Variants in FLT1 observed in about 807,000 individuals in gnomAD.
The protein encoded by FLT1 is vascular endothelial growth factor receptor 1.
FLT1 carries 49 observed loss-of-function variants against 156.3 expected under a neutral mutation model. The ratio of observed to expected loss-of-function variants is 0.31; its 90% CI spans 0.25 to 0.40. FLT1 has a LOEUF of 0.40. Ranked by LOEUF, FLT1 falls within the 10% of genes least tolerant of loss-of-function variation. The probability of loss-of-function intolerance (pLI) is 1.00; values close to 1 mark genes in which losing one functional copy is unlikely to be tolerated. For synonymous variants in FLT1, 594 were observed against 583.8 expected, an observed-to-expected ratio of 1.02 and a Z score of -0.25; for missense variants, 1,322 against 1,637.2, an observed-to-expected ratio of 0.81 and a Z score of 3.32.
chr13:28,321,555 T>C lies in FLT1; in HGVS notation c.3082A>G (p.Ile1028Val). ...ACCACGTTGTTCTCAGATAAAAGAATGTTTCTCGCTGCCAGGTCCCGATGA... is the reference window on the plus strand; with the variant it reads ...ACCACGTTGTTCTCAGATAAAAGAACGTTTCTCGCTGCCAGGTCCCGATGA... The part of the protein sequence containing the change: ...CIHRDLAARN[I>V]LLSENNVVKI... Residue 1028 changes from isoleucine (I) to valine (V), a missense_variant, in exon 23 of 30, where the codon ATT becomes GTT. This residue lies in a region of FLT1 where 991 missense variants were observed against 1,254.8 expected (regional missense o/e 0.79). Transcript: ENST00000282397. 1 of 1,614,182 alleles carries C rather than the reference T, an allele frequency of 6.2e-7. No homozygotes were observed. The highest frequency in any genetic ancestry group is 8.5e-7 in the Non-Finnish European group (1 of 1,180,000).
At chr13:28,400,589 C>A (rs1875370433) in intron 11 of FLT1, among the ~76,000 whole-genome samples, 1 of 152,082 alleles carries the variant, frequency 6.6e-6, no homozygotes, top group Admixed American at 6.5e-5. Context: ...GACTAGAAGG[C>A]AGCTTTGCAT....
intron 18 of FLT1, among the ~76,000 whole-genome samples, chr13:28,330,715 T>A (rs997584202): frequency 3.3e-5 from 5 of 151,454 alleles, no homozygotes; most frequent in South Asian, 4.2e-4. Flanking sequence ...TTTTTATTTT[T>A]TATTTTTATT....
chr13:28,370,920 A>G (rs1379472604), intron 14 of FLT1, among the ~76,000 whole-genome samples: 1 of 152,198 alleles, frequency 6.6e-6, no homozygotes, highest in African/African-American at 2.4e-5. Flanking sequence ...GACCATTTTA[A>G]GACAGGAAAA....
intron 3 of FLT1, among the ~76,000 whole-genome samples, chr13:28,453,210 A>T (rs1459161876): frequency 6.8e-6 from 1 of 147,286 alleles, no homozygotes; most frequent in Non-Finnish European, 1.5e-5. Flanking sequence ...TGCAAGCTTT[A>T]CCTCCTGGGT....
chr13:28,339,159 A>G lies in FLT1; in HGVS notation c.2488+9T>C, dbSNP rs551495756. On this transcript the variant is annotated intron_variant, in intron 17 of 29. Coordinates refer to ENST00000282397, the MANE Select transcript of FLT1 (RefSeq NM_002019.4). ...ATAGGTTTATGAATCTGTTGAACAAATATCTTACCCAGTTTAAGTCTCTCC... is the reference window on the plus strand; with the variant it reads ...ATAGGTTTATGAATCTGTTGAACAAGTATCTTACCCAGTTTAAGTCTCTCC... 8.2e-5 allele frequency: 132 copies of G among 1,613,760 alleles called. 1 individual carries two copies. Among genetic ancestry groups the G allele is most frequent in the South Asian group, 7.9e-4 (72 of 91,066 alleles).
chr13:28,302,071 C>G lies in FLT1; in HGVS notation c.*1096G>C. 4.3e-6 allele frequency: 1 copy of G among 233,414 alleles called. No individual in the cohort carries two copies. Among genetic ancestry groups the G allele is most frequent in the Non-Finnish European group, 8.5e-6 (1 of 118,044 alleles). The allele number at this position is 233,414 out of a possible 1,614,324, so 14.5% of individuals were successfully genotyped here. A position where few individuals can be genotyped will look rare whatever the true frequency, so the allele number is the denominator to read the frequency against. On this transcript the variant is annotated 3_prime_UTR_variant, in exon 30 of 30. Coordinates refer to ENST00000282397, the MANE Select transcript of FLT1 (RefSeq NM_002019.4). ...TGAATTGGTTTGGTTGGTATAGAGA[C>G]GGGGTTTTCCCTTGACCTTATTGAC... is the stretch of plus-strand genomic sequence containing the variant.
intron 8 of FLT1, among the ~76,000 whole-genome samples, chr13:28,428,513 T>A (rs772792256): frequency 2.0e-5 from 3 of 151,990 alleles, no homozygotes; most frequent in Non-Finnish European, 4.4e-5. Flanking sequence ...TAAAGAAATT[T>A]TAAAAACGTA....
chr13:28,360,778 C>G, intron 14 of FLT1, among the ~76,000 whole-genome samples: 1 of 152,082 alleles, frequency 6.6e-6, no homozygotes, highest in East Asian at 1.9e-4. Flanking sequence ...TTCTATTACA[C>G]AGCAAAGTGA....
chr13:28,393,935 C>A (rs1304317670), intron 12 of FLT1, among the ~76,000 whole-genome samples: 1 of 152,062 alleles, frequency 6.6e-6, no homozygotes, highest in Non-Finnish European at 1.5e-5. Flanking sequence ...AAATGAGGAC[C>A]AGTAAAGATC....
At position 28,303,227 on chromosome 13, in the gene FLT1, C is replaced by CG. The variant is rs1397428206; in HGVS notation, c.3956dup (p.Cys1320ValfsTer29). On this transcript the variant is annotated frameshift_variant, in exon 30 of 30. Transcript: ENST00000282397. LOFTEE classifies it high-confidence loss of function. ...TGTAGTCTGGGGGCGGGGAGCAGCA[C>CG]GCGATTTTCCTTTCCAGCTCAGCGT... The CG allele has an allele frequency of 1.9e-6, 3 of 1,613,502 alleles. No individual in the cohort carries two copies. Among genetic ancestry groups the CG allele is most frequent in the Non-Finnish European group, 2.5e-6 (3 of 1,180,000 alleles).
intron 3 of FLT1, among the ~76,000 whole-genome samples, chr13:28,464,964 T>C (rs1879771058): frequency 6.6e-6 from 1 of 152,190 alleles, no homozygotes; most frequent in African/African-American, 2.4e-5. Flanking sequence ...CACTCCCCTA[T>C]AGAGACAGGG....
At chr13:28,431,024 A>T in intron 7 of FLT1, 112 bp downstream of exon 7, 1 of 955,812 alleles carries the variant, frequency 1.0e-6, no homozygotes, top group Non-Finnish European at 1.7e-6. Context: ...AGCTGTATTC[A>T]TTCATGATAA....
intron 1 of FLT1, among the ~76,000 whole-genome samples, chr13:28,469,347 C>A (rs1217617464): frequency 6.6e-6 from 1 of 152,192 alleles, no homozygotes; most frequent in Middle Eastern, 3.2e-3. Context: ...GTCAAATACC[C>A]TGGTTATGCC....
chr13:28,428,624 C>T (rs1049376680), intron 8 of FLT1, among the ~76,000 whole-genome samples: 11 of 152,204 alleles, frequency 7.2e-5, no homozygotes, highest in Non-Finnish European at 1.5e-4. Context: ...CTGCAGGCTG[C>T]TGCAAATGTG....
chr13:28,344,792 CTTTTTTTTTTTTT>C (rs869199622), intron 16 of FLT1, among the ~76,000 whole-genome samples: 20 of 41,410 alleles, frequency 4.8e-4, no homozygotes, highest in South Asian at 2.0e-3. Flanking sequence ...GGGGCCTTTA[CTTTTTTTTTTTTT>C]TTTTTTTTTT....
At chr13:28,447,184 A>G (rs1233773827) in intron 3 of FLT1, among the ~76,000 whole-genome samples, 1 of 146,902 alleles carries the variant, frequency 6.8e-6, no homozygotes, top group South Asian at 2.1e-4. Flanking sequence ...AATATATTAT[A>G]TATTTTATAT....
At chr13:28,456,630 T>C (rs1434116218) in intron 3 of FLT1, among the ~76,000 whole-genome samples, 15 of 152,098 alleles carry the variant, frequency 9.9e-5, no homozygotes, top group Admixed American at 8.5e-4. Flanking sequence ...ACCCTGTCTC[T>C]ACTAAAAATA....
intron 10 of FLT1, among the ~76,000 whole-genome samples, chr13:28,417,520 A>G (rs1454502674): frequency 6.6e-6 from 1 of 152,168 alleles, no homozygotes; most frequent in Non-Finnish European, 1.5e-5. Flanking sequence ...GGTGGAAATA[A>G]TAGTAAACAG....
intron 3 of FLT1, among the ~76,000 whole-genome samples, chr13:28,450,259 G>A (rs879748057): frequency 9.9e-5 from 15 of 152,178 alleles, no homozygotes; most frequent in Admixed American, 5.2e-4. Context: ...TTGAAGGGAA[G>A]TAGGGACCTC....
Sources: gnomAD v4.1 joint callset for allele counts (sites outside exome capture counted in the v4.1 genomes callset) on GRCh38, gnomAD v4.1.1 for gene constraint, gnomAD v4.1.1 regional missense constraint, MANE v1.5 for transcripts, NCBI Gene and HGNC (gene_info 2026-07-23, HGNC 2026-07-21) for gene names.